HERC1: variants seen among roughly 807,000 people sequenced by gnomAD.
HERC1 encodes the protein HECT and RLD domain containing E3 ubiquitin protein ligase family member 1.
HERC1 carries 160 observed loss-of-function variants against 554.3 expected under a neutral mutation model. The observed-to-expected ratio is 0.29, with a 90% confidence interval of 0.25 to 0.33. The LOEUF is 0.33. Ranked by LOEUF, HERC1 falls within the 10% of genes least tolerant of loss-of-function variation. HERC1 has a pLI of 1.00. For missense variants in HERC1, 4,919 were observed against 5,918.5 expected (o/e 0.83, Z 5.54); for synonymous variants, 2,175 against 2,131.7 (o/e 1.02, Z -0.56).
chr15:63,639,805 T>C (rs2068953410), intron 61 of HERC1, among the ~76,000 whole-genome samples: 1 of 152,214 alleles, frequency 6.6e-6, no homozygotes, highest in Non-Finnish European at 1.5e-5. Context: ...AGAATCTATA[T>C]GTGGCATATA....
At chr15:63,619,936 A>C (rs2067999197) in intron 74 of HERC1, among the ~76,000 whole-genome samples, 1 of 152,060 alleles carries the variant, frequency 6.6e-6, no homozygotes, top group Non-Finnish European at 1.5e-5. Flanking sequence ...TGATCTTTTC[A>C]AAAAACCAGC....
At chr15:63,713,888 G>T in intron 22 of HERC1, 1 of 441,524 alleles carries the variant, frequency 2.3e-6, no homozygotes, top group South Asian at 3.3e-5. Context: ...ATACTAATCT[G>T]CCTTTACAGA....
intron 74 of HERC1, among the ~76,000 whole-genome samples, chr15:63,621,475 G>A (rs537104668): frequency 1.3e-5 from 2 of 152,068 alleles, no homozygotes; most frequent in South Asian, 4.2e-4. Flanking sequence ...ATGTGTCTTG[G>A]AGTTGCTCTT....
intron 47 of HERC1, 23 bp downstream of exon 47, chr15:63,659,713 T>C (rs202170792): frequency 6.4e-7 from 1 of 1,569,130 alleles, no homozygotes; most frequent in Non-Finnish European, 8.8e-7. Flanking sequence ...ATAAAATCAA[T>C]GCAAATCAGG....
rs2068410302 is a variant in HERC1, at chr15:63,628,605, G to C, written c.13105+72C>G. ...ACGATGCTGGATACAGTTGGGAACT[G>C]GCAAGCAGACAGTGCCATGGGGTAC... On this transcript the variant is annotated intron_variant, in intron 70 of 77. Coordinates refer to ENST00000443617, the MANE Select transcript of HERC1 (RefSeq NM_003922.4). The C allele has an allele frequency of 2.7e-6, 4 of 1,455,482 alleles. No individual in the cohort carries two copies. The Admixed American group carries it at 9.9e-5, about 36-fold the overall frequency. 90.2% of individuals were successfully genotyped at this position (1,455,482 alleles called of 1,614,324 possible).
Position 63,692,650 on chromosome 15 carries a change from G to A in HERC1, c.5675-84C>T. 1 of 1,178,614 alleles carries A rather than the reference G, an allele frequency of 8.5e-7. No individual in the cohort carries two copies. Among genetic ancestry groups the A allele is most frequent in the Non-Finnish European group, 1.2e-6 (1 of 859,694 alleles). 73.0% of individuals were successfully genotyped at this position (1,178,614 alleles called of 1,614,324 possible). A position where few individuals can be genotyped will look rare whatever the true frequency, so the allele number is the denominator to read the frequency against. ...TCACATAATTTACCTTGAAACTGCA[G>A]TAAGCACAAATCTAATGCAAAATCT... On this transcript the variant is annotated intron_variant, in intron 30 of 77. Transcript: ENST00000443617. This position sits in a 1 kb window ranked among gnomAD's most constrained non-coding sequence, Gnocchi z 4.7.
At chr15:63,803,679 A>G (rs905404262) in intron 1 of HERC1, among the ~76,000 whole-genome samples, 6 of 152,216 alleles carry the variant, frequency 3.9e-5, no homozygotes, top group African/African-American at 1.4e-4. Flanking sequence ...TTGCTATGAT[A>G]AAATACATTC....
chr15:63,617,375 A>T (rs988688135), intron 74 of HERC1, among the ~76,000 whole-genome samples: 21 of 152,230 alleles, frequency 1.4e-4, no homozygotes, highest in African/African-American at 5.1e-4. Flanking sequence ...TCCATGGTGT[A>T]TAAGTGCCAC....
chr15:63,647,572 C>T (rs2069423698), intron 55 of HERC1, among the ~76,000 whole-genome samples: 1 of 152,174 alleles, frequency 6.6e-6, no homozygotes. Flanking sequence ...CAACACCATT[C>T]ACAATAGCAA....
At chr15:63,730,883 T>C (rs867381433) in intron 14 of HERC1, among the ~76,000 whole-genome samples, 9 of 152,346 alleles carry the variant, frequency 5.9e-5, no homozygotes, top group Middle Eastern at 3.4e-3. Context: ...AGAGATGCTT[T>C]GTATATTTAG....
chr15:63,801,346 T>C (rs997579011), intron 1 of HERC1, among the ~76,000 whole-genome samples: 1 of 152,200 alleles, frequency 6.6e-6, no homozygotes, highest in African/African-American at 2.4e-5. Context: ...TGAGTAGTCT[T>C]GTGGGACTGA....
At chr15:63,611,957 A>T (rs1437783582) in intron 77 of HERC1, among the ~76,000 whole-genome samples, 1 of 152,152 alleles carries the variant, frequency 6.6e-6, no homozygotes, top group Non-Finnish European at 1.5e-5. Flanking sequence ...GGCCAACGTG[A>T]CCAGATCACC....
chr15:63,815,509 T>C (rs1391071028), intron 1 of HERC1, among the ~76,000 whole-genome samples: 1 of 152,238 alleles, frequency 6.6e-6, no homozygotes, highest in African/African-American at 2.4e-5. Context: ...AAATGTTACA[T>C]AGTGACTGAT....
At chr15:63,744,164 G>GTGTGTGTCTCTCTC in intron 12 of HERC1, among the ~76,000 whole-genome samples, 2 of 46,222 alleles carry the variant, frequency 4.3e-5, no homozygotes, top group African/African-American at 6.7e-5. Flanking sequence ...GTGTGTGTGT[G>GTGTGTGTCTCTCTC]TCTCTCTCTC....
chr15:63,693,858 C>A, intron 30 of HERC1, 106 bp downstream of exon 30: 1 of 1,146,724 alleles, frequency 8.7e-7, no homozygotes, highest in Non-Finnish European at 1.2e-6. Flanking sequence ...AATAAAAATC[C>A]CATCATACCT....
intron 1 of HERC1, among the ~76,000 whole-genome samples, chr15:63,828,839 C>T (rs985867213): frequency 6.6e-6 from 1 of 152,112 alleles, no homozygotes; most frequent in African/African-American, 2.4e-5. Context: ...AAATAACTAA[C>T]CTAAGTAACT....
At chr15:63,819,198 C>T (rs563276388) in intron 1 of HERC1, among the ~76,000 whole-genome samples, 1 of 152,178 alleles carries the variant, frequency 6.6e-6, no homozygotes, top group African/African-American at 2.4e-5. Flanking sequence ...GTTGCAGAAC[C>T]AGAACCAGTT....
intron 32 of HERC1, 49 bp from the exon 33 acceptor site, chr15:63,689,748 G>A: frequency 8.8e-7 from 1 of 1,140,632 alleles, no homozygotes; most frequent in Non-Finnish European, 1.3e-6. Context: ...GTAACTTTAA[G>A]TATTTTTAGA....
intron 70 of HERC1, 84 bp downstream of exon 70, chr15:63,628,593 C>T (rs961424237): frequency 7.3e-7 from 1 of 1,362,818 alleles, no homozygotes; most frequent in South Asian, 1.5e-5. Context: ...ATGCTGGATA[C>T]AGTTGGGAAC....
Sources: gnomAD v4.1 joint callset for allele counts (sites outside exome capture counted in the v4.1 genomes callset) on GRCh38, gnomAD v4.1.1 for gene constraint, Gnocchi (gnomAD v3.1) non-coding constraint, MANE v1.5 for transcripts, NCBI Gene and HGNC (gene_info 2026-07-23, HGNC 2026-07-21) for gene names.